Variants in WDR7 observed in about 807,000 individuals in gnomAD.
WDR7 encodes WD repeat-containing protein 7.
WDR7 carries 46 observed loss-of-function variants against 169.4 expected under a neutral mutation model. The observed-to-expected ratio is 0.27, with a 90% CI of 0.21 to 0.35. WDR7 has a LOEUF of 0.35. Among genes scored for constraint, WDR7 ranks in the 10% least tolerant of loss-of-function variants. The pLI is 1.00. For missense variants in WDR7, 1,534 were observed against 1,859.3 expected (o/e 0.83, Z 3.22); for synonymous variants, 612 against 666.8 (o/e 0.92, Z 1.27).
chr18:56,893,044 G>C (rs2145532574), intron 21 of WDR7, among the ~76,000 whole-genome samples: 1 of 152,118 alleles, frequency 6.6e-6, no homozygotes. Context: ...ATGTGATGCA[G>C]CATGGTACAA....
intron 20 of WDR7, among the ~76,000 whole-genome samples, chr18:56,820,556 A>G (rs2045077475): frequency 6.6e-6 from 1 of 152,032 alleles, no homozygotes; most frequent in Non-Finnish European, 1.5e-5. Flanking sequence ...TCATTAATAG[A>G]TGCAGAGAAT....
At chr18:56,995,970 G>A (rs998441260) in intron 26 of WDR7, among the ~76,000 whole-genome samples, 18 of 152,166 alleles carry the variant, frequency 1.2e-4, no homozygotes, top group Non-Finnish European at 1.9e-4. Context: ...ATGCACATTT[G>A]GTACCTGGGC....
At chr18:56,909,453 T>A (rs1371795602) in intron 21 of WDR7, among the ~76,000 whole-genome samples, 1 of 152,202 alleles carries the variant, frequency 6.6e-6, no homozygotes, top group Non-Finnish European at 1.5e-5. Context: ...TGTTCTGTGA[T>A]ATACTGCCTA....
chr18:56,712,901 TAGA>T (rs1262428974), intron 12 of WDR7, among the ~76,000 whole-genome samples: 6 of 152,320 alleles, frequency 3.9e-5, no homozygotes, highest in Non-Finnish European at 8.8e-5. Context: ...GAACATTTAC[TAGA>T]AGGAGGGGCA....
chr18:56,884,732 A>G (rs2046162639), intron 21 of WDR7, among the ~76,000 whole-genome samples: 2 of 152,210 alleles, frequency 1.3e-5, no homozygotes, highest in South Asian at 4.1e-4. Flanking sequence ...GACAAAGGAC[A>G]TAAACACTTG....
chr18:56,729,547 T>A (rs1002465627), intron 13 of WDR7, among the ~76,000 whole-genome samples: 4 of 152,086 alleles, frequency 2.6e-5, no homozygotes, highest in Non-Finnish European at 5.9e-5. Flanking sequence ...TCTATGTTAA[T>A]ATATATAGCA....
At chr18:56,763,932 T>C (rs930597048) in intron 16 of WDR7, among the ~76,000 whole-genome samples, 1 of 152,186 alleles carries the variant, frequency 6.6e-6, no homozygotes, top group Non-Finnish European at 1.5e-5. Flanking sequence ...ATTCATAATT[T>C]ATGTTTTTTC....
At chr18:56,762,699 C>T (rs2144974088) in intron 16 of WDR7, among the ~76,000 whole-genome samples, 1 of 151,934 alleles carries the variant, frequency 6.6e-6, no homozygotes, top group South Asian at 2.1e-4. Flanking sequence ...TTTTAATGAC[C>T]TCAATTTGAC....
At chr18:56,728,158 T>G (rs1347060884) in intron 13 of WDR7, among the ~76,000 whole-genome samples, 2 of 152,240 alleles carry the variant, frequency 1.3e-5, no homozygotes, top group East Asian at 3.8e-4. Context: ...CATATGATTT[T>G]AATTTGTTTC....
Position 56,731,536 on chromosome 18 carries a change from T to C in WDR7, c.1928T>C (p.Met643Thr). The change falls in exon 14 of 28, where the codon ATG becomes ACG. Residue 643 changes from methionine to threonine, a missense_variant. Transcript: ENST00000254442. ...CGTAGTCTTGCTGCTCTTAAAAATA[T>C]GGCCCATCATAAGCTACAAACCCTT... ...TRRSLAALKNMAHHKLQTLAT... is the reference protein window; with the variant it reads ...TRRSLAALKNTAHHKLQTLAT... The C allele has an allele frequency of 6.2e-7, 1 of 1,614,164 alleles. No homozygotes were observed. Among genetic ancestry groups the C allele is most frequent in the Non-Finnish European group, 8.5e-7 (1 of 1,180,028 alleles).
At chr18:56,843,133 A>G (rs527293407) in intron 20 of WDR7, among the ~76,000 whole-genome samples, 1 of 152,364 alleles carries the variant, frequency 6.6e-6, no homozygotes, top group Admixed American at 6.5e-5. Context: ...AAATCCATTA[A>G]TGATGTTAAT....
chr18:56,875,727 T>C (rs974393643), intron 20 of WDR7, among the ~76,000 whole-genome samples: 2 of 152,240 alleles, frequency 1.3e-5, no homozygotes, highest in African/African-American at 4.8e-5. Context: ...TTCCAATGCC[T>C]GTTTAGTAGC....
At chr18:56,965,872 T>A (rs1342768060) in intron 26 of WDR7, among the ~76,000 whole-genome samples, 2 of 152,132 alleles carry the variant, frequency 1.3e-5, no homozygotes, top group Non-Finnish European at 2.9e-5. Flanking sequence ...ATCTCTATGT[T>A]AATGATTATA....
intron 20 of WDR7, among the ~76,000 whole-genome samples, chr18:56,861,680 T>C (rs903005698): frequency 6.6e-6 from 1 of 152,144 alleles, no homozygotes; most frequent in Admixed American, 6.6e-5. Context: ...GTAGCATATT[T>C]CAAGAACCCA....
rs532691260 is a variant in WDR7 at position 56,856,253 on chromosome 18, G to T, written c.3305-23691G>T. 3.9e-5 allele frequency among the ~76,000 whole-genome samples: 6 copies of T among 152,258 alleles called. No individual in the cohort carries two copies. The South Asian group carries it at 1.2e-3, about 32-fold the overall frequency. On this transcript the variant is annotated intron_variant, in intron 20 of 27. Transcript: ENST00000254442. ...TTGTATTAAAGATCCTATAACTATG[G>T]CTAGGCACAGTGGCTCACGCCTGTA... is the stretch of plus-strand genomic sequence containing the variant.
In WDR7 at chr18:56,776,865, T is replaced by G; in HGVS notation, c.2932T>G (p.Phe978Val). 6.2e-7 allele frequency: 1 copy of G among 1,613,806 alleles called. No homozygotes were observed. The highest frequency in any genetic ancestry group is 8.5e-7 in the Non-Finnish European group (1 of 1,179,742). Residue 978 changes from phenylalanine (F) to valine (V), a missense_variant, in exon 17 of 28, where the codon TTC becomes GTC. Transcript: ENST00000254442. ...TTCTGCTCCTGCTTTACATACCTGT[T>G]TCTTAGTAAATGAAGGTATCTCTCT... ...PPSAPALHTCFLVNEGWSQLA... is the reference protein window; with the variant it reads ...PPSAPALHTCVLVNEGWSQLA...
intron 1 of WDR7, among the ~76,000 whole-genome samples, chr18:56,661,296 G>C (rs1450226939): frequency 6.6e-6 from 1 of 151,974 alleles, no homozygotes; most frequent in Non-Finnish European, 1.5e-5. Flanking sequence ...GGGCATAATG[G>C]GCTTTTAGCT....
At chr18:56,791,409 T>C (rs2044483264) in intron 19 of WDR7, among the ~76,000 whole-genome samples, 1 of 152,194 alleles carries the variant, frequency 6.6e-6, no homozygotes, top group Admixed American at 6.5e-5. Context: ...ATCTTATTTT[T>C]ATATATCTTT....
intron 14 of WDR7, among the ~76,000 whole-genome samples, chr18:56,744,955 G>C (rs2043679978): frequency 6.6e-6 from 1 of 152,156 alleles, no homozygotes; most frequent in Non-Finnish European, 1.5e-5. Flanking sequence ...AGGTTGAGTG[G>C]AGTGGAAGTT....
Sources: gnomAD v4.1 joint callset for allele counts (sites outside exome capture counted in the v4.1 genomes callset) on GRCh38, gnomAD v4.1.1 for gene constraint, MANE v1.5 for transcripts, NCBI Gene and HGNC (gene_info 2026-07-23, HGNC 2026-07-21) for gene names.